The following CRACD variants were observed in gnomAD, a reference collection of about 807,000 sequenced individuals.
The protein encoded by CRACD is capping protein-inhibiting regulator of actin dynamics.
CRACD carries 56 observed loss-of-function variants against 106.8 expected under a neutral mutation model. The ratio of observed to expected loss-of-function variants is 0.52; its 90% confidence interval spans 0.42 to 0.66. The LOEUF is 0.66. Ranked by LOEUF, CRACD falls within the 30% of genes least tolerant of loss-of-function variation. The pLI is 0.00. For synonymous variants in CRACD, 754 were observed against 670.8 expected, an observed-to-expected ratio of 1.12 and a Z score of -1.92; for missense variants, 1,730 against 1,623.2, an observed-to-expected ratio of 1.07 and a Z score of -1.13.
chr4:56,052,188 C>G (rs530150798), intron 1 of CRACD, among the ~76,000 whole-genome samples: 1 of 152,236 alleles, frequency 6.6e-6, no homozygotes, highest in African/African-American at 2.4e-5. Context: ...TGCGCCCAGC[C>G]TAAACTTTTA....
chr4:56,307,440 T>C (rs1334009015), intron 4 of CRACD, 95 bp from the exon 5 acceptor site: 1 of 1,166,830 alleles, frequency 8.6e-7, no homozygotes, highest in Non-Finnish European at 1.2e-6. Context: ...GCACAAGGTA[T>C]GCCTCAGTGC....
In CRACD at chr4:56,218,211, C is replaced by T. The variant is rs371790455; in HGVS notation, c.-189+38781C>T. On this transcript the variant is annotated intron_variant, in intron 2 of 10. Transcript: ENST00000682029. Reference sequence around the variant, plus strand: ...TAGTAGGGGTGAGGACTTCAAGATACCTTTTGGTGGGGGACACAATTTAAT... The same window carrying T: ...TAGTAGGGGTGAGGACTTCAAGATATCTTTTGGTGGGGGACACAATTTAAT... Among the ~76,000 whole-genome samples the T allele has an allele frequency of 7.2e-5, 11 of 152,148 alleles. No individual in the cohort carries two copies. The South Asian group carries it at 2.3e-3, about 32-fold the overall frequency.
chr4:56,308,745 G>A lies in CRACD; in HGVS notation c.285+1046G>A, dbSNP rs1477255831. The A allele has an allele frequency of 6.1e-6, 6 of 985,374 alleles. No homozygotes were observed. In the African/African-American group the frequency reaches 1.0e-4, roughly 17 times the overall value. The allele number at this position is 985,374 out of a possible 1,614,324, so 61.0% of individuals were successfully genotyped here. The stretch of plus-strand genomic sequence containing the variant: ...TTTGTGTGGTAGGTCAAGCAGGGAT[G>A]GGCCCATCTCTCCCGGCAGCTCTAA... On this transcript the variant is annotated intron_variant, in intron 5 of 10. Transcript: ENST00000682029.
intron 2 of CRACD, among the ~76,000 whole-genome samples, chr4:56,255,315 C>G (rs961618360): frequency 6.6e-5 from 10 of 152,066 alleles, no homozygotes; most frequent in African/African-American, 2.2e-4. Context: ...TAAATGTCCT[C>G]TCCTCAACAA....
At chr4:56,212,713 A>G (rs1193330054) in intron 2 of CRACD, among the ~76,000 whole-genome samples, 1 of 152,198 alleles carries the variant, frequency 6.6e-6, no homozygotes, top group African/African-American at 2.4e-5. Flanking sequence ...CACACAAAAA[A>G]AGAAACAAAG....
In CRACD at chr4:56,206,235, C is replaced by G. The variant is rs547740930; in HGVS notation, c.-189+26805C>G. Among the ~76,000 whole-genome samples, 3 of 152,276 alleles carry G rather than the reference C, an allele frequency of 2.0e-5. No individual in the cohort carries two copies. In the East Asian group the frequency reaches 5.8e-4, roughly 29 times the overall value. On this transcript the variant is annotated intron_variant, in intron 2 of 10. Transcript: ENST00000682029. Reference sequence around the variant, plus strand: ...GTAGCATAAATAACATAATTTATTTCTCTCTCTTATAACAGCTCAGGGACA... The same window carrying G: ...GTAGCATAAATAACATAATTTATTTGTCTCTCTTATAACAGCTCAGGGACA...
chr4:56,179,456 G>A (rs766990049), intron 2 of CRACD, 26 bp downstream of exon 2: 6 of 152,218 alleles, frequency 3.9e-5, no homozygotes, highest in Non-Finnish European at 8.8e-5. Context: ...AGAGTATGGA[G>A]AGGGAAGTAG....
chr4:56,275,283 TA>T (rs1428098062), intron 3 of CRACD, among the ~76,000 whole-genome samples: 7 of 151,382 alleles, frequency 4.6e-5, no homozygotes, highest in African/African-American at 9.7e-5. Context: ...AAATAAAAGT[TA>T]AAAAAAAATT....
chr4:56,061,576 G>A (rs911793649), intron 1 of CRACD, among the ~76,000 whole-genome samples: 6 of 152,080 alleles, frequency 3.9e-5, no homozygotes, highest in African/African-American at 1.2e-4. Context: ...AGGCACTGTC[G>A]TGGGTATTGA....
chr4:56,310,599 GTGTC>G, intron 5 of CRACD, 63 bp from the exon 6 acceptor site: 2 of 1,147,162 alleles, frequency 1.7e-6, no homozygotes, highest in Non-Finnish European at 2.6e-6. Flanking sequence ...GGCACAGACA[GTGTC>G]TGGTTATTTG....
At chr4:56,301,864 T>C (rs1293903589) in intron 4 of CRACD, among the ~76,000 whole-genome samples, 1 of 152,018 alleles carries the variant, frequency 6.6e-6, no homozygotes, top group Non-Finnish European at 1.5e-5. Flanking sequence ...AAAATCACCA[T>C]TTTTTTTCTA....
chr4:56,151,065 C>T (rs1313597443), intron 1 of CRACD, among the ~76,000 whole-genome samples: 1 of 152,158 alleles, frequency 6.6e-6, no homozygotes, highest in Non-Finnish European at 1.5e-5. Flanking sequence ...GACATGATCT[C>T]GGCTCACTGC....
At chr4:56,130,713 TG>T (rs1006036412) in intron 1 of CRACD, among the ~76,000 whole-genome samples, 13 of 152,318 alleles carry the variant, frequency 8.5e-5, no homozygotes, top group African/African-American at 2.9e-4. Context: ...ATGTCATAGT[TG>T]TTTTTTTTCC....
intron 2 of CRACD, among the ~76,000 whole-genome samples, chr4:56,238,109 A>G (rs888462166): frequency 6.6e-6 from 1 of 152,188 alleles, no homozygotes. Context: ...ACTTAAAACA[A>G]CAACCACATT....
In CRACD at chr4:56,294,913, C is replaced by CA. The variant is rs56200534; in HGVS notation, c.-16-3280dup. Among the ~76,000 whole-genome samples, 659 of 72,134 alleles carry CA rather than the reference C, an allele frequency of 9.1e-3. 13 individuals carry two copies. Among genetic ancestry groups the CA allele is most frequent in the East Asian group, 0.042 (85 of 2,032 alleles). 47.3% of individuals were successfully genotyped at this position (72,134 alleles called of 152,430 possible). A position where few individuals can be genotyped will look rare whatever the true frequency, so the allele number is the denominator to read the frequency against. On this transcript the variant is annotated intron_variant, in intron 3 of 10. Coordinates refer to ENST00000682029, the MANE Select transcript of CRACD (RefSeq NM_001393381.1). ...TGGGTAGCAGAGCAAGACCTTGTCT[C>CA]AAAAAAAAAAAAAAAAAAAAAGTAA...
At chr4:56,103,871 C>T (rs920254566) in intron 1 of CRACD, among the ~76,000 whole-genome samples, 4 of 152,186 alleles carry the variant, frequency 2.6e-5, no homozygotes, top group African/African-American at 9.7e-5. Flanking sequence ...ATCTCCGCCT[C>T]CTGGGTTCAA....
At chr4:56,174,031 T>C (rs1416321322) in intron 1 of CRACD, among the ~76,000 whole-genome samples, 1 of 152,250 alleles carries the variant, frequency 6.6e-6, no homozygotes, top group East Asian at 1.9e-4. Context: ...GAAATATTTA[T>C]GCAAATCCTT....
intron 1 of CRACD, among the ~76,000 whole-genome samples, chr4:56,146,551 T>C (rs1312848846): frequency 1.6e-5 from 2 of 125,058 alleles, no homozygotes; most frequent in African/African-American, 3.2e-5. Flanking sequence ...GTATATCTCC[T>C]AATGCTATCC....
intron 3 of CRACD, among the ~76,000 whole-genome samples, chr4:56,275,125 A>C (rs1415196379): frequency 6.6e-6 from 1 of 152,186 alleles, no homozygotes; most frequent in East Asian, 1.9e-4. Flanking sequence ...ACTGGAATCT[A>C]CTTGAGTGTG....
Sources: gnomAD v4.1 joint callset for allele counts (sites outside exome capture counted in the v4.1 genomes callset) on GRCh38, gnomAD v4.1.1 for gene constraint, MANE v1.5 for transcripts, NCBI Gene and HGNC (gene_info 2026-07-23, HGNC 2026-07-21) for gene names.